Variants in XPR1 observed in about 807,000 individuals in gnomAD.
XPR1 encodes xenotropic and polytropic retrovirus receptor 1, also known as solute carrier family 53 member 1.
XPR1 carries 28 observed loss-of-function variants against 87.5 expected under a neutral mutation model. The ratio of observed to expected loss-of-function variants is 0.32; its 90% CI spans 0.24 to 0.44. XPR1 has a LOEUF of 0.44. Among genes scored for constraint, XPR1 ranks in the 20% least tolerant of loss-of-function variants. XPR1 has a pLI of 1.00. For synonymous variants in XPR1, 300 were observed against 306.1 expected, an observed-to-expected ratio of 0.98 and a Z score of 0.21; for missense variants, 559 against 862.3, an observed-to-expected ratio of 0.65 and a Z score of 4.41.
At chr1:180,773,921 C>A (rs769329292) in intron 2 of XPR1, among the ~76,000 whole-genome samples, 2 of 152,126 alleles carry the variant, frequency 1.3e-5, no homozygotes, top group African/African-American at 2.4e-5. Context: ...ACCACTTGTC[C>A]AGATCTTCTA....
chr1:180,756,910 T>G (rs906181091), intron 2 of XPR1, among the ~76,000 whole-genome samples: 7 of 152,206 alleles, frequency 4.6e-5, no homozygotes, highest in Non-Finnish European at 8.8e-5. Context: ...TTGAAAAGAC[T>G]AGTCTTTCTC....
At chr1:180,713,295 A>AT (rs1443191536) in intron 2 of XPR1, among the ~76,000 whole-genome samples, 17 of 152,110 alleles carry the variant, frequency 1.1e-4, no homozygotes, top group Non-Finnish European at 2.1e-4. Flanking sequence ...GTTCATTGCT[A>AT]TTATGCAAAA....
At chr1:180,702,916 A>G (rs541336929) in intron 2 of XPR1, among the ~76,000 whole-genome samples, 5 of 152,172 alleles carry the variant, frequency 3.3e-5, no homozygotes, top group African/African-American at 4.8e-5. Flanking sequence ...ACTTCTTCCA[A>G]TTTTATGGAT....
intron 1 of XPR1, among the ~76,000 whole-genome samples, chr1:180,666,711 T>C (rs1250989653): frequency 1.3e-5 from 2 of 152,208 alleles, no homozygotes; most frequent in Non-Finnish European, 2.9e-5. Context: ...ATTCATTGAT[T>C]AGTTTTTCTT....
chr1:180,845,264 G>T (rs1056619532), intron 11 of XPR1, among the ~76,000 whole-genome samples: 1 of 152,168 alleles, frequency 6.6e-6, no homozygotes, highest in Non-Finnish European at 1.5e-5. Context: ...GAATTCTCTC[G>T]AATCTTAAAA....
chr1:180,654,534 A>G (rs987595756), intron 1 of XPR1, among the ~76,000 whole-genome samples: 4 of 151,990 alleles, frequency 2.6e-5, no homozygotes, highest in Admixed American at 1.3e-4. Context: ...ATCTTGTAAA[A>G]CCTAAACTCT....
chr1:180,827,957 A>G (rs1210376308), intron 9 of XPR1, among the ~76,000 whole-genome samples: 2 of 151,014 alleles, frequency 1.3e-5, no homozygotes, highest in African/African-American at 2.4e-5. Context: ...GCTCACTGCA[A>G]CCTCCACCTC....
At chr1:180,803,956 A>G (rs1478944070) in intron 4 of XPR1, among the ~76,000 whole-genome samples, 1 of 151,860 alleles carries the variant, frequency 6.6e-6, no homozygotes, top group Non-Finnish European at 1.5e-5. Flanking sequence ...ACTGTTGGCT[A>G]TGTAAGGGCT....
At chr1:180,718,534 A>G (rs916946141) in intron 2 of XPR1, among the ~76,000 whole-genome samples, 1 of 152,176 alleles carries the variant, frequency 6.6e-6, no homozygotes, top group African/African-American at 2.4e-5. Flanking sequence ...TTTGGCAAGA[A>G]GAGGACTAGA....
chr1:180,659,385 T>TCCTTCCGTCCG (rs1655676841), intron 1 of XPR1, among the ~76,000 whole-genome samples: 1 of 20,304 alleles, frequency 4.9e-5, no homozygotes, highest in Admixed American at 5.7e-4. Flanking sequence ...CCTTCCGTCC[T>TCCTTCCGTCCG]TCCTTCCTTC....
At chr1:180,804,453 A>G (rs965592230) in intron 4 of XPR1, among the ~76,000 whole-genome samples, 3 of 152,178 alleles carry the variant, frequency 2.0e-5, no homozygotes, top group Non-Finnish European at 2.9e-5. Context: ...ATTTTTTAAA[A>G]GTTATTGAGA....
intron 13 of XPR1, among the ~76,000 whole-genome samples, chr1:180,875,443 AG>A (rs1291858535): frequency 6.8e-6 from 1 of 148,130 alleles, no homozygotes; most frequent in Non-Finnish European, 1.5e-5. Context: ...TGGGAGGCAG[AG>A]GTTGCAGTGA....
At chr1:180,836,061 A>G (rs1181219590) in intron 10 of XPR1, among the ~76,000 whole-genome samples, 1 of 152,074 alleles carries the variant, frequency 6.6e-6, no homozygotes, top group Non-Finnish European at 1.5e-5. Flanking sequence ...ATCTATCACT[A>G]AAAAGCTTGA....
chr1:180,766,488 C>T (rs186105870), intron 2 of XPR1, among the ~76,000 whole-genome samples: 1 of 151,986 alleles, frequency 6.6e-6, no homozygotes, highest in Admixed American at 6.6e-5. Flanking sequence ...GTGCTTCTAG[C>T]CCAGGCTTGA....
At chr1:180,713,528 T>A (rs923041431) in intron 2 of XPR1, among the ~76,000 whole-genome samples, 1 of 152,200 alleles carries the variant, frequency 6.6e-6, no homozygotes, top group Non-Finnish European at 1.5e-5. Context: ...AATGCAATGT[T>A]GGGTAGAAGT....
rs1287721606 is a variant in XPR1 at position 180,701,764 on chromosome 1, A to G, written c.121+19353A>G. Among the ~76,000 whole-genome samples, 11 of 141,042 alleles carry G rather than the reference A, an allele frequency of 7.8e-5. 2 individuals are homozygous for G. Among genetic ancestry groups the G allele is most frequent in the East Asian group, 1.9e-4 (1 of 5,156 alleles). The allele number at this position is 141,042 out of a possible 152,430, so 92.5% of individuals were successfully genotyped here. ...GTTAGGGAGGATTCCCTCTTTTTCTATCGATTGGAATAGTTTCAGAAGGAA... is the reference window on the plus strand; with the variant it reads ...GTTAGGGAGGATTCCCTCTTTTTCTGTCGATTGGAATAGTTTCAGAAGGAA... On this transcript the variant is annotated intron_variant, in intron 2 of 14. Coordinates refer to ENST00000367590, the MANE Select transcript of XPR1 (RefSeq NM_004736.4).
intron 4 of XPR1, among the ~76,000 whole-genome samples, chr1:180,804,489 G>A (rs978464711): frequency 1.3e-5 from 2 of 152,074 alleles, no homozygotes; most frequent in African/African-American, 4.8e-5. Flanking sequence ...TCTTTAGAGA[G>A]ACCTTATGCA....
chr1:180,685,130 G>A (rs1243091956), intron 2 of XPR1, among the ~76,000 whole-genome samples: 1 of 151,964 alleles, frequency 6.6e-6, no homozygotes, highest in Non-Finnish European at 1.5e-5. Flanking sequence ...GTTTGTCATA[G>A]ATAGCTCTTA....
At chr1:180,779,879 A>G (rs1485503357) in intron 2 of XPR1, among the ~76,000 whole-genome samples, 3 of 151,632 alleles carry the variant, frequency 2.0e-5, no homozygotes, top group South Asian at 2.1e-4. Context: ...TTCTGTCTCT[A>G]TGGATTTGCA....
Sources: gnomAD v4.1 joint callset for allele counts (sites outside exome capture counted in the v4.1 genomes callset) on GRCh38, gnomAD v4.1.1 for gene constraint, MANE v1.5 for transcripts, NCBI Gene and HGNC (gene_info 2026-07-23, HGNC 2026-07-21) for gene names.